CLPTM1L: variants seen among roughly 807,000 people sequenced by gnomAD.
CLPTM1L encodes the protein lipid scramblase CLPTM1L.
Under a neutral mutation model 70.9 loss-of-function variants are expected in CLPTM1L, and 38 were observed. The observed-to-expected ratio is 0.54, with a 90% CI of 0.41 to 0.70. CLPTM1L has a LOEUF of 0.70. Among genes scored for constraint, CLPTM1L ranks in the 30% least tolerant of loss-of-function variants. The probability of loss-of-function intolerance (pLI) is 0.00; values close to 1 mark genes in which losing one functional copy is unlikely to be tolerated. For missense variants in CLPTM1L, 652 were observed against 705.9 expected, an observed-to-expected ratio of 0.92 and a Z score of 0.87; for synonymous variants, 339 against 299.9, an observed-to-expected ratio of 1.13 and a Z score of -1.35.
chr5:1,322,894 A>T lies in CLPTM1L; in HGVS notation c.1298T>A (p.Ile433Asn), dbSNP rs946884345. ...GGACTCACCGTTGACGAAGCTGTTG[A>T]TTAACCAGGAGTACCAGCTGAAACG... ...IKYKSWYSWL[I>N]NSFVNGVYAF... The change falls in exon 13 of 17, where the codon ATC becomes AAC. Residue 433 changes from isoleucine (I) to asparagine (N), a missense_variant. Ile to Asn is a moderately radical substitution (Grantham distance 149). This residue lies in a region of CLPTM1L where 240 missense variants were observed against 295.0 expected (regional missense o/e 0.81). Coordinates refer to ENST00000320895, the MANE Select transcript of CLPTM1L (RefSeq NM_030782.5). The T allele has an allele frequency of 6.2e-7, 1 of 1,613,922 alleles. No individual in the cohort carries two copies. The highest frequency in any genetic ancestry group is 1.3e-5 in the African/African-American group (1 of 74,936).
chr5:1,343,141 A>G (rs569133885), intron 2 of CLPTM1L, among the ~76,000 whole-genome samples: 11 of 152,166 alleles, frequency 7.2e-5, no homozygotes, highest in Non-Finnish European at 1.5e-4. Flanking sequence ...CAGTGAGCAG[A>G]GATCACGCCA....
chr5:1,321,886 C>T, intron 13 of CLPTM1L, 67 bp from the exon 14 acceptor site: 3 of 1,480,630 alleles, frequency 2.0e-6, no homozygotes, highest in Non-Finnish European at 2.8e-6. Flanking sequence ...GCACAGACGG[C>T]ACTCACGAGG....
In CLPTM1L at chr5:1,321,630, C is replaced by T. The variant is rs1339936316; in HGVS notation, c.1416+5G>A. 6.2e-7 allele frequency: 1 copy of T among 1,612,332 alleles called. No homozygotes were observed. Among genetic ancestry groups the T allele is most frequent in the Non-Finnish European group, 8.5e-7 (1 of 1,178,594 alleles). Reference sequence around the variant, plus strand: ...AAGGGATTCCTCACCGGCTGTCACACTCACCTTGTAGGTGAAGGCCTTCCA... The same window carrying T: ...AAGGGATTCCTCACCGGCTGTCACATTCACCTTGTAGGTGAAGGCCTTCCA... On this transcript the variant is annotated splice_donor_5th_base_variant and intron_variant, in intron 15 of 16. Coordinates refer to ENST00000320895, the MANE Select transcript of CLPTM1L (RefSeq NM_030782.5).
At chr5:1,336,149 C>T (rs1753564724) in intron 5 of CLPTM1L, among the ~76,000 whole-genome samples, 1 of 152,222 alleles carries the variant, frequency 6.6e-6, no homozygotes, top group South Asian at 2.1e-4. Context: ...CCTCCAGGCA[C>T]CCCTCGAGCT....
chr5:1,320,012 T>C (rs1752057602), intron 16 of CLPTM1L, among the ~76,000 whole-genome samples: 1 of 152,130 alleles, frequency 6.6e-6, no homozygotes, highest in Non-Finnish European at 1.5e-5. Context: ...GGCCTGAGCC[T>C]CTGCATTTGG....
intron 1 of CLPTM1L, 104 bp from the exon 2 acceptor site, chr5:1,344,555 C>T: frequency 6.8e-7 from 1 of 1,459,858 alleles, no homozygotes; most frequent in Non-Finnish European, 9.4e-7. Flanking sequence ...GCTGGGGAAC[C>T]AGGAAAGGTT....
intron 11 of CLPTM1L, chr5:1,324,093 G>A (rs1206287842): frequency 7.1e-6 from 4 of 563,288 alleles, no homozygotes; most frequent in Non-Finnish European, 9.5e-6. Flanking sequence ...GTAACTACAG[G>A]CGCTAGTTAA....
intron 9 of CLPTM1L, among the ~76,000 whole-genome samples, chr5:1,329,527 A>AGCCTCAGGACTCTCTGCTTGGTGGACAGG (rs1561238686): frequency 2.0e-5 from 2 of 98,918 alleles, no homozygotes; most frequent in Admixed American, 2.1e-4. Context: ...TGGTGGACAG[A>AGCCTCAGGACTCTCTGCTTGGTGGACAGG]GCCTCAGGAC....
rs1754131322 is a variant in CLPTM1L at position 1,344,269 on chromosome 5, T to C, written c.263+82A>G. On this transcript the variant is annotated intron_variant, in intron 2 of 16. Transcript: ENST00000320895. ...GACTAGTTCTCTAAAATAAACATGT[T>C]ATGTACAGAAAGCTAACTTTTAAAC... 3.2e-6 allele frequency: 3 copies of C among 927,680 alleles called. No homozygotes were observed. In the South Asian group the frequency reaches 4.1e-5, roughly 13 times the overall value. 57.5% of individuals were successfully genotyped at this position (927,680 alleles called of 1,614,324 possible). A position where few individuals can be genotyped will look rare whatever the true frequency, so the allele number is the denominator to read the frequency against.
Position 1,344,673 on chromosome 5 carries a change from C to A in CLPTM1L, c.162+7G>T. 1 of 1,550,998 alleles carries A rather than the reference C, an allele frequency of 6.4e-7. No individual in the cohort carries two copies. The highest frequency in any genetic ancestry group is 8.7e-7 in the Non-Finnish European group (1 of 1,148,026). On this transcript the variant is annotated splice_region_variant and intron_variant, in intron 1 of 16. Coordinates refer to ENST00000320895, the MANE Select transcript of CLPTM1L (RefSeq NM_030782.5). ...CCCGCCCGGCCCCCGGCCCCGCGGA[C>A]GCTCACCTGCAGCTTGGGCCGCCGC... is the stretch of plus-strand genomic sequence containing the variant.
chr5:1,337,867 G>A (rs780731885), intron 5 of CLPTM1L, 37 bp downstream of exon 5: 11 of 1,493,666 alleles, frequency 7.4e-6, no homozygotes, highest in African/African-American at 4.1e-5. Flanking sequence ...TCAGTGTCTC[G>A]CCAGCTGCAC....
rs775429245 is a variant in CLPTM1L at position 1,320,685 on chromosome 5, A to G, written c.1463T>C (p.Met488Thr). Residue 488 changes from methionine (M) to threonine (T), a missense_variant, in exon 16 of 17, where the codon ATG becomes ACG. Coordinates refer to ENST00000320895, the MANE Select transcript of CLPTM1L (RefSeq NM_030782.5). ...GCAGGCCAGCCGGTGAGACGTGGGC[A>G]TGGTGATGATGAAGGCAAAGACGTC... ...IDDVFAFIIT[M>T]PTSHRLACFR... is the part of the protein sequence containing the mutation. The G allele has an allele frequency of 3.9e-6, 6 of 1,548,770 alleles. No homozygotes were observed. In the South Asian group the frequency reaches 7.2e-5, roughly 18 times the overall value.
chr5:1,318,776 C>G lies in CLPTM1L; in HGVS notation c.1533-323G>C, dbSNP rs1438306210. Among the ~76,000 whole-genome samples the G allele has an allele frequency of 6.6e-6, 1 of 152,152 alleles. No individual in the cohort carries two copies. The highest frequency in any genetic ancestry group is 2.4e-5 in the African/African-American group (1 of 41,416). ...GGCTGCCTTCTGGGAACGGTGGCAT[C>G]ACGGAGACTCGAGTGATCAGAACAG... On this transcript the variant is annotated intron_variant, in intron 16 of 16. Coordinates refer to ENST00000320895, the MANE Select transcript of CLPTM1L (RefSeq NM_030782.5). The surrounding 1 kb of genome is among the most constrained non-coding windows in gnomAD (Gnocchi z 8.9).
intron 13 of CLPTM1L, among the ~76,000 whole-genome samples, chr5:1,322,538 C>T (rs1019947934): frequency 1.3e-5 from 2 of 152,234 alleles, no homozygotes; most frequent in African/African-American, 4.8e-5. Context: ...AACAGTCATG[C>T]ACCACACAAT....
chr5:1,342,009 C>CGT lies in CLPTM1L; in HGVS notation c.264-151_264-150dup, dbSNP rs71598674. 48,272 of 498,888 alleles carry CGT rather than the reference C, an allele frequency of 0.097. 987 individuals carry two copies. The highest frequency in any genetic ancestry group is 0.15 in the South Asian group (5,846 of 38,332). 30.9% of individuals were successfully genotyped at this position (498,888 alleles called of 1,614,324 possible). On this transcript the variant is annotated intron_variant, in intron 2 of 16. Coordinates refer to ENST00000320895, the MANE Select transcript of CLPTM1L (RefSeq NM_030782.5). This position sits in a 1 kb window ranked among gnomAD's most constrained non-coding sequence, Gnocchi z 4.3. The stretch of plus-strand genomic sequence containing the variant: ...CCCACCTGCCCAGGGCTTTACGAGT[C>CGT]GTGTGTGTGTGTGTGTGTGTGTGTG...
chr5:1,322,511 C>T (rs1752215841), intron 13 of CLPTM1L, among the ~76,000 whole-genome samples: 1 of 152,236 alleles, frequency 6.6e-6, no homozygotes, highest in Non-Finnish European at 1.5e-5. Flanking sequence ...TTCCTTGTTT[C>T]CATGAAGAAA....
At chr5:1,344,651 G>C in intron 1 of CLPTM1L, 29 bp downstream of exon 1, 8 of 1,536,842 alleles carry the variant, frequency 5.2e-6, no homozygotes, top group Non-Finnish European at 7.0e-6. Context: ...ACCCCAACCC[G>C]CCCGGCCCCC....
intron 7 of CLPTM1L, among the ~76,000 whole-genome samples, chr5:1,333,068 G>A (rs1753228350): frequency 1.8e-5 from 2 of 113,962 alleles, no homozygotes; most frequent in South Asian, 3.4e-4. Flanking sequence ...GAGGATAAGG[G>A]GGGACTACTG....
intron 9 of CLPTM1L, chr5:1,326,215 A>T (rs1752527884): frequency 3.9e-6 from 1 of 253,554 alleles, no homozygotes; most frequent in Non-Finnish European, 7.6e-6. Flanking sequence ...TCACCCACGG[A>T]GCTCAGGACG....
Sources: allele counts gnomAD v4.1 joint callset (sites outside exome capture counted in the v4.1 genomes callset), GRCh38; gene constraint gnomAD v4.1.1; regional missense constraint gnomAD v4.1.1; non-coding constraint Gnocchi (gnomAD v3.1); transcripts MANE v1.5; gene names NCBI Gene and HGNC (gene_info 2026-07-23, HGNC 2026-07-21).